The following TAOK3 variants were observed in gnomAD, a reference collection of about 807,000 sequenced individuals.
TAOK3 encodes the protein serine/threonine-protein kinase TAO3.
TAOK3 carries 40 observed loss-of-function variants against 120.4 expected under a neutral mutation model. The ratio of observed to expected loss-of-function variants is 0.33; its 90% CI spans 0.26 to 0.43. The LOEUF (loss-of-function observed/expected upper bound fraction) is 0.43. Among genes scored for constraint, TAOK3 ranks in the 20% least tolerant of loss-of-function variants. The pLI, the probability that TAOK3 is intolerant of heterozygous loss-of-function variation, is 1.00. For missense variants in TAOK3, 821 were observed against 1,112.1 expected, an observed-to-expected ratio of 0.74 and a Z score of 3.72; for synonymous variants, 355 against 387.5, an observed-to-expected ratio of 0.92 and a Z score of 0.99.
chr12:118,217,579 G>T (rs1216045331), intron 9 of TAOK3, among the ~76,000 whole-genome samples: 21 of 151,384 alleles, frequency 1.4e-4, no homozygotes, highest in Non-Finnish European at 4.4e-5. Context: ...CCAGCTACTT[G>T]GGAGGCTGAG....
intron 1 of TAOK3, among the ~76,000 whole-genome samples, chr12:118,357,682 A>G (rs933423166): frequency 3.3e-5 from 5 of 152,092 alleles, no homozygotes; most frequent in Admixed American, 3.3e-4. Flanking sequence ...ACGAAGCACC[A>G]CCCACTTCCT....
chr12:118,153,464 C>T (rs1252075512), intron 19 of TAOK3, among the ~76,000 whole-genome samples: 1 of 152,118 alleles, frequency 6.6e-6, no homozygotes, highest in East Asian at 1.9e-4. Flanking sequence ...TTTTAAGAGG[C>T]ATAACTGCTT....
At chr12:118,340,637 A>G (rs1464151364) in intron 1 of TAOK3, among the ~76,000 whole-genome samples, 2 of 152,128 alleles carry the variant, frequency 1.3e-5, no homozygotes, top group African/African-American at 4.8e-5. Context: ...AATATAATAA[A>G]CTGCCTCATA....
intron 1 of TAOK3, among the ~76,000 whole-genome samples, chr12:118,274,094 C>A (rs762722167): frequency 6.6e-6 from 1 of 151,456 alleles, no homozygotes; most frequent in Non-Finnish European, 1.5e-5. Flanking sequence ...CACGACTTCC[C>A]ATAAGACTTG....
chr12:118,238,774 A>G (rs2040124265), intron 6 of TAOK3, among the ~76,000 whole-genome samples: 1 of 151,840 alleles, frequency 6.6e-6, no homozygotes, highest in African/African-American at 2.4e-5. Context: ...AGCTGGTATT[A>G]TAGGTGTTAG....
chr12:118,296,380 C>T, intron 1 of TAOK3, among the ~76,000 whole-genome samples: 1 of 152,178 alleles, frequency 6.6e-6, no homozygotes, highest in Non-Finnish European at 1.5e-5. Flanking sequence ...GTGATCCACC[C>T]TCCTGGGCCT....
chr12:118,254,421 C>T (rs1445427007), intron 3 of TAOK3, among the ~76,000 whole-genome samples: 2 of 152,114 alleles, frequency 1.3e-5, no homozygotes, highest in African/African-American at 2.4e-5. Context: ...TAGACATAAA[C>T]CCTGTCCTCA....
intron 2 of TAOK3, among the ~76,000 whole-genome samples, chr12:118,263,443 T>C (rs2140240528): frequency 6.6e-6 from 1 of 152,320 alleles, no homozygotes; most frequent in African/African-American, 2.4e-5. Flanking sequence ...AAAAATTTCT[T>C]AGTTAATAAC....
At chr12:118,176,164 AAGG>A (rs1291765799) in intron 16 of TAOK3, among the ~76,000 whole-genome samples, 1 of 152,194 alleles carries the variant, frequency 6.6e-6, no homozygotes, top group Non-Finnish European at 1.5e-5. Flanking sequence ...CGCATTGCAC[AAGG>A]AGGAGAAGTA....
rs146952773 is a variant in TAOK3, at chr12:118,357,022, G to A, written c.-194+15626C>T. Among the ~76,000 whole-genome samples the A allele has an allele frequency of 3.8e-4, 58 of 152,286 alleles. No individual in the cohort carries two copies. The East Asian group carries it at 9.8e-3, about 26-fold the overall frequency. ...TTCTTAATAGAATATCCAGTGACCC[G>A]AGCAACTTGCATAACTCCTACCAGT... On this transcript the variant is annotated intron_variant, in intron 1 of 20. Transcript: ENST00000392533.
intron 19 of TAOK3, among the ~76,000 whole-genome samples, chr12:118,154,817 G>A (rs2034693381): frequency 6.6e-6 from 1 of 152,020 alleles, no homozygotes; most frequent in Admixed American, 6.6e-5. Flanking sequence ...TACGATAAGA[G>A]GCAACATAAT....
At chr12:118,289,994 CAAA>C (rs201999011) in intron 1 of TAOK3, among the ~76,000 whole-genome samples, 1 of 124,068 alleles carries the variant, frequency 8.1e-6, no homozygotes. Context: ...AACTCCATTG[CAAA>C]AAAAAAAAAA....
At position 118,266,775 on chromosome 12, in the gene TAOK3, A is replaced by G; in HGVS notation, c.-193-16T>C. Reference sequence around the variant, plus strand: ...ATGATGCAACCTATAGAAAAAGAAGAACAAAATACATAATTATCAGCCAAA... The same window carrying G: ...ATGATGCAACCTATAGAAAAAGAAGGACAAAATACATAATTATCAGCCAAA... On this transcript the variant is annotated splice_polypyrimidine_tract_variant and intron_variant, in intron 1 of 20. Coordinates refer to ENST00000392533, the MANE Select transcript of TAOK3 (RefSeq NM_016281.4). 2.5e-6 allele frequency: 1 copy of G among 395,976 alleles called. No individual in the cohort carries two copies. Among genetic ancestry groups the G allele is most frequent in the Non-Finnish European group, 4.5e-6 (1 of 224,464 alleles). 24.5% of individuals were successfully genotyped at this position (395,976 alleles called of 1,614,324 possible).
chr12:118,304,703 ATT>A (rs1354882858), intron 1 of TAOK3, among the ~76,000 whole-genome samples: 2 of 152,190 alleles, frequency 1.3e-5, no homozygotes, highest in African/African-American at 4.8e-5. Flanking sequence ...GTTTGTCCTA[ATT>A]TGTGATGTTT....
At chr12:118,333,396 A>G (rs1342018827) in intron 1 of TAOK3, among the ~76,000 whole-genome samples, 2 of 152,244 alleles carry the variant, frequency 1.3e-5, no homozygotes, top group Non-Finnish European at 2.9e-5. Context: ...GAGTTAAAAA[A>G]GAAGTTTCAA....
intron 1 of TAOK3, among the ~76,000 whole-genome samples, chr12:118,338,584 G>C (rs561087976): frequency 0.02 from 3,093 of 151,974 alleles, 101 homozygotes; most frequent in African/African-American, 0.071. Context: ...TCAGGAGCTC[G>C]AGACCAGCCT....
At chr12:118,296,420 C>A (rs905423417) in intron 1 of TAOK3, among the ~76,000 whole-genome samples, 3 of 152,186 alleles carry the variant, frequency 2.0e-5, no homozygotes, top group Non-Finnish European at 4.4e-5. Flanking sequence ...AGGCGTGAGC[C>A]ACTATGCCTG....
chr12:118,246,040 GA>G, intron 3 of TAOK3: 2 of 808,244 alleles, frequency 2.5e-6, no homozygotes, highest in Non-Finnish European at 3.8e-6. Flanking sequence ...TATACGTGTA[GA>G]AAAAATTATA....
intron 19 of TAOK3, among the ~76,000 whole-genome samples, chr12:118,157,834 G>C (rs2034946872): frequency 6.6e-6 from 1 of 151,946 alleles, no homozygotes; most frequent in Non-Finnish European, 1.5e-5. Context: ...CTCGGCCTAA[G>C]AACATGCATG....
Sources: allele counts gnomAD v4.1 joint callset (sites outside exome capture counted in the v4.1 genomes callset), GRCh38; gene constraint gnomAD v4.1.1; transcripts MANE v1.5; gene names NCBI Gene and HGNC (gene_info 2026-07-23, HGNC 2026-07-21).